Variants in FBN1 observed in about 807,000 individuals in gnomAD.
The protein encoded by FBN1 is fibrillin 1, also known as fibrillin-1.
A neutral mutation model predicts 365.1 loss-of-function variants in FBN1; 29 were observed. That is an observed-to-expected ratio of 0.08 (90% CI 0.06 to 0.11). The LOEUF is 0.11. FBN1 is among the 10% of genes least tolerant of loss of function. The pLI is 1.00. For missense variants in FBN1, 2,476 were observed against 3,703.2 expected (o/e 0.67, Z 8.60); for synonymous variants, 1,210 against 1,270.5 (o/e 0.95, Z 1.01).
chr15:48,480,132 T>G (rs555684089), intron 32 of FBN1, among the ~76,000 whole-genome samples: 1 of 152,152 alleles, frequency 6.6e-6, no homozygotes, highest in African/African-American at 2.4e-5. Context: ...TAGCTAGAAT[T>G]TGGAGCATTG....
chr15:48,558,576 G>T (rs570785663), intron 6 of FBN1, among the ~76,000 whole-genome samples: 125 of 152,208 alleles, frequency 8.2e-4, no homozygotes, highest in African/African-American at 3.0e-3. Flanking sequence ...AAGTTAGGCA[G>T]AATTATGAAA....
chr15:48,478,790 C>T (rs925066030), intron 32 of FBN1, among the ~76,000 whole-genome samples: 6 of 152,122 alleles, frequency 3.9e-5, no homozygotes, highest in Non-Finnish European at 8.8e-5. Flanking sequence ...TCTGTGTGGG[C>T]TGGGAATGTA....
intron 6 of FBN1, among the ~76,000 whole-genome samples, chr15:48,581,736 A>G (rs758409501): frequency 1.2e-4 from 19 of 152,242 alleles, no homozygotes; most frequent in Admixed American, 2.0e-4. Context: ...AGAGGAAAGA[A>G]CAAAGATAGA....
intron 44 of FBN1, among the ~76,000 whole-genome samples, chr15:48,455,225 C>T (rs2043229982): frequency 6.6e-6 from 1 of 152,214 alleles, no homozygotes; most frequent in African/African-American, 2.4e-5. Context: ...ACTTAGTTAT[C>T]TCAATATCCA....
At position 48,410,838 on chromosome 15, in the gene FBN1, T is replaced by C. The variant is rs1190451205; in HGVS notation, c.*152A>G. The C allele has an allele frequency of 5.1e-6, 4 of 777,822 alleles. No homozygotes were observed. The highest frequency in any genetic ancestry group is 8.1e-6 in the Non-Finnish European group (4 of 492,520). The allele number at this position is 777,822 out of a possible 1,614,324, so 48.2% of individuals were successfully genotyped here. On this transcript the variant is annotated 3_prime_UTR_variant, in exon 66 of 66. Transcript: ENST00000316623. ...TTGAACTAGGGTAGTCACCTGTACC[T>C]TGCTTTGGTAATACAAAGAATAGTG...
intron 36 of FBN1, among the ~76,000 whole-genome samples, chr15:48,469,523 T>C (rs574971999): frequency 2.4e-4 from 37 of 152,276 alleles, no homozygotes; most frequent in African/African-American, 8.9e-4. Context: ...TTTGTCTGTT[T>C]TGAACACTCA....
chr15:48,642,959 T>C (rs961220193), intron 2 of FBN1: 1 of 152,196 alleles, frequency 6.6e-6, no homozygotes, highest in African/African-American at 2.4e-5. Context: ...AAAGCTTAGT[T>C]TCTTTTTTCA....
rs1156461961 is a variant in FBN1 at position 48,503,896 on chromosome 15, G to A, written c.2004C>T (p.Gly668=). 1 of 1,614,186 alleles carries A rather than the reference G, an allele frequency of 6.2e-7. No individual in the cohort carries two copies. Among genetic ancestry groups the A allele is most frequent in the Non-Finnish European group, 8.5e-7 (1 of 1,180,038 alleles). ...CACCAAACAAAGGTTTGATACACTG[G>A]CCTCTCTTGTATCCACCATAGCATG... ...RSTCYGGYKR[G]QCIKPLFGAV... Residue 668 remains glycine, a synonymous_variant, in exon 17 of 66, where the codon GGC becomes GGT. Transcript: ENST00000316623.
intron 6 of FBN1, among the ~76,000 whole-genome samples, chr15:48,585,817 T>A (rs1040887282): frequency 1.3e-5 from 2 of 152,192 alleles, no homozygotes; most frequent in Admixed American, 1.3e-4. Context: ...CCAAATTGAC[T>A]TTTTAAAGAA....
chr15:48,534,056 A>G (rs371385625), intron 8 of FBN1, 24 bp downstream of exon 8: 124 of 1,588,844 alleles, frequency 7.8e-5, no homozygotes, highest in Non-Finnish European at 1.0e-4. Context: ...ACACCCCCCA[A>G]CTGCAAAGCA....
intron 42 of FBN1, among the ~76,000 whole-genome samples, chr15:48,462,153 T>C (rs1188820968): frequency 6.6e-6 from 1 of 152,214 alleles, no homozygotes; most frequent in Non-Finnish European, 1.5e-5. Flanking sequence ...ATTTAATATT[T>C]TATATATCAC....
intron 6 of FBN1, among the ~76,000 whole-genome samples, chr15:48,575,590 C>T (rs1444638584): frequency 2.0e-5 from 3 of 152,108 alleles, no homozygotes; most frequent in Non-Finnish European, 2.9e-5. Flanking sequence ...TAAGTGAAAA[C>T]ATGTAATATT....
intron 6 of FBN1, among the ~76,000 whole-genome samples, chr15:48,593,863 A>G (rs949468196): frequency 1.3e-5 from 2 of 152,194 alleles, no homozygotes; most frequent in Non-Finnish European, 2.9e-5. Context: ...GAGAAAGGAA[A>G]GTAGTAAAGG....
At chr15:48,568,055 A>AGAAAGAAAGAAAGAG (rs1566928787) in intron 6 of FBN1, among the ~76,000 whole-genome samples, 38 of 145,038 alleles carry the variant, frequency 2.6e-4, no homozygotes, top group African/African-American at 9.8e-4. Flanking sequence ...GAAAGAAGAA[A>AGAAAGAAAGAAAGAG]GAAAGAAAGA....
intron 24 of FBN1, 127 bp from the exon 25 acceptor site, chr15:48,490,205 GT>G: frequency 2.3e-6 from 2 of 857,978 alleles, no homozygotes; most frequent in South Asian, 3.0e-5. Flanking sequence ...ACTGGAATTA[GT>G]TTTATTCCTC....
At chr15:48,415,451 A>G (rs759049404) in intron 64 of FBN1, 85 bp downstream of exon 64, 7 of 1,041,036 alleles carry the variant, frequency 6.7e-6, no homozygotes, top group East Asian at 2.4e-5. Flanking sequence ...CTCCTCTGCT[A>G]GGACAGGTAA....
intron 4 of FBN1, among the ~76,000 whole-genome samples, chr15:48,603,028 G>A (rs1416389861): frequency 6.6e-6 from 1 of 152,108 alleles, no homozygotes; most frequent in African/African-American, 2.4e-5. Context: ...TAACTACTTT[G>A]AGATAAAAAA....
Position 48,631,055 on chromosome 15 carries a change from A to G in FBN1, c.164+13551T>C, listed in dbSNP as rs16961266. ...GTAGGGTGCAGCGTATAGGAACTCT[A>G]CGAAAGCTATGCCTAAATTAAGATA... is the stretch of plus-strand genomic sequence containing the variant. On this transcript the variant is annotated intron_variant, in intron 2 of 65. Coordinates refer to ENST00000316623, the MANE Select transcript of FBN1 (RefSeq NM_000138.5). Among the ~76,000 whole-genome samples the G allele has an allele frequency of 0.015, 2,337 of 152,290 alleles. 209 individuals are homozygous for G. The East Asian group carries it at 0.24, about 15-fold the overall frequency.
chr15:48,604,686 G>A (rs931530281), intron 4 of FBN1, among the ~76,000 whole-genome samples: 14 of 152,196 alleles, frequency 9.2e-5, no homozygotes, highest in African/African-American at 3.4e-4. Flanking sequence ...ACAAGTCTGA[G>A]TAGATTCCAT....
Sources: allele counts gnomAD v4.1 joint callset (sites outside exome capture counted in the v4.1 genomes callset), GRCh38; gene constraint gnomAD v4.1.1; transcripts MANE v1.5; gene names NCBI Gene and HGNC (gene_info 2026-07-23, HGNC 2026-07-21).